Variants in HYPK observed in about 807,000 individuals in gnomAD.
HYPK encodes huntingtin interacting protein K.
A neutral mutation model predicts 13.9 loss-of-function variants in HYPK; 9 were observed. The ratio of observed to expected loss-of-function variants is 0.65; its 90% CI spans 0.39 to 1.13. HYPK has a LOEUF of 1.13. Among genes scored for constraint, HYPK ranks in the 50% most tolerant of loss-of-function variants. HYPK has a pLI of 0.01. For synonymous variants in HYPK, 76 were observed against 57.0 expected, an observed-to-expected ratio of 1.33 and a Z score of -1.50; for missense variants, 138 against 157.6, an observed-to-expected ratio of 0.88 and a Z score of 0.67.
In HYPK at chr15:43,803,232, T is replaced by TA. The variant is rs113386586; in HGVS notation, c.*1439dup. Among the ~76,000 whole-genome samples the TA allele has an allele frequency of 8.0e-3, 917 of 114,690 alleles. 22 individuals are homozygous for TA. The East Asian group carries it at 0.091, about 11-fold the overall frequency. 75.2% of individuals were successfully genotyped at this position (114,690 alleles called of 152,430 possible). A position where few individuals can be genotyped will look rare whatever the true frequency, so the allele number is the denominator to read the frequency against. ...AGCATGACCTTGTCTCTACTAAAAT[T>TA]AAAAAAAAAAAAAGCCAGGCATGGT... On this transcript the variant is annotated 3_prime_UTR_variant, in exon 4 of 4. Transcript: ENST00000442995.
At position 43,803,689 on chromosome 15, in the gene HYPK, G is replaced by A. The variant is rs188493684; in HGVS notation, c.*1883G>A. ...GACGCCTGTAATTCCAGCTACTAGG[G>A]AGGCTGAGGCAGGAGAATCTCTTGA... On this transcript the variant is annotated 3_prime_UTR_variant, in exon 4 of 4. Coordinates refer to ENST00000442995, the MANE Select transcript of HYPK (RefSeq NM_016400.4). Among the ~76,000 whole-genome samples the A allele has an allele frequency of 2.0e-3, 310 of 151,710 alleles. 2 individuals carry two copies. The highest frequency in any genetic ancestry group is 7.0e-3 in the African/African-American group (290 of 41,328).
At position 43,803,826 on chromosome 15, in the gene HYPK, A is replaced by G. The variant is rs2087343276; in HGVS notation, c.*2020A>G. On this transcript the variant is annotated 3_prime_UTR_variant, in exon 4 of 4. Coordinates refer to ENST00000442995, the MANE Select transcript of HYPK (RefSeq NM_016400.4). ...AAAAAAAATCAGCTTGGACCAACTC[A>G]CACATGTTGAACTAGTTTCCTCAAC... Among the ~76,000 whole-genome samples the G allele has an allele frequency of 6.6e-6, 1 of 150,400 alleles. No individual in the cohort carries two copies. The highest frequency in any genetic ancestry group is 2.4e-5 in the African/African-American group (1 of 40,916).
In HYPK at chr15:43,800,787, A is replaced by G. The variant is rs751554389; in HGVS notation, c.162+3A>G. On this transcript the variant is annotated splice_donor_region_variant and intron_variant, in intron 1 of 3. Coordinates refer to ENST00000442995, the MANE Select transcript of HYPK (RefSeq NM_016400.4). ...TCCAGAGTTCCAATCTGGAGACGGT[A>G]AGGTTGGCCAAGAGCATGTCGGGGC... is the stretch of plus-strand genomic sequence containing the variant. 6 of 1,604,534 alleles carry G rather than the reference A, an allele frequency of 3.7e-6. No homozygotes were observed. The highest frequency in any genetic ancestry group is 1.3e-5 in the African/African-American group (1 of 74,704).
At chr15:43,801,015 G>C (rs1194323886) in intron 1 of HYPK, 117 bp from the exon 2 acceptor site, 1 of 976,448 alleles carries the variant, frequency 1.0e-6, no homozygotes, top group Non-Finnish European at 1.6e-6. Flanking sequence ...CATAGTCCTT[G>C]CTACCTGGTA....
rs2087346202 is a variant in HYPK, at chr15:43,804,113, A to G, written c.*2307A>G. On this transcript the variant is annotated 3_prime_UTR_variant, in exon 4 of 4. Coordinates refer to ENST00000442995, the MANE Select transcript of HYPK (RefSeq NM_016400.4). ...AAAACAAACAAACAAACAAAAAAAA[A>G]ACCCTGCAACGGCCCCTGAGTCTGC... is the stretch of plus-strand genomic sequence containing the variant. 6.6e-6 allele frequency among the ~76,000 whole-genome samples: 1 copy of G among 152,008 alleles called. No homozygotes were observed. Among genetic ancestry groups the G allele is most frequent in the Non-Finnish European group, 1.5e-5 (1 of 68,014 alleles).
chr15:43,803,832 G>T lies in HYPK; in HGVS notation c.*2026G>T, dbSNP rs1196647850. On this transcript the variant is annotated 3_prime_UTR_variant, in exon 4 of 4. Transcript: ENST00000442995. Reference sequence around the variant, plus strand: ...AATCAGCTTGGACCAACTCACACATGTTGAACTAGTTTCCTCAACTATAAA... The same window carrying T: ...AATCAGCTTGGACCAACTCACACATTTTGAACTAGTTTCCTCAACTATAAA... Among the ~76,000 whole-genome samples the T allele has an allele frequency of 6.7e-6, 1 of 150,062 alleles. No homozygotes were observed. Among genetic ancestry groups the T allele is most frequent in the Non-Finnish European group, 1.5e-5 (1 of 67,730 alleles).
upstream of HYPK, chr15:43,800,552 G>A (rs1200543014): frequency 3.1e-6 from 5 of 1,600,952 alleles, no homozygotes; most frequent in Non-Finnish European, 3.4e-6. Flanking sequence ...CCTCCTCCCC[G>A]GGCGGAAGCT....
In HYPK at chr15:43,801,173, A is replaced by G. The variant is rs748691830; in HGVS notation, c.204A>G (p.Lys68=). 4 of 1,614,082 alleles carry G rather than the reference A, an allele frequency of 2.5e-6. No individual in the cohort carries two copies. Among genetic ancestry groups the G allele is most frequent in the Non-Finnish European group, 3.4e-6 (4 of 1,179,972 alleles). ...VIGDRRSREQ[K]AKQEREKELA... is the part of the protein sequence containing the mutation. Reference sequence around the variant, plus strand: ...GAGACAGAAGGTCCCGGGAGCAGAAAGCCAAACAGGAGCGGTAAGTCTTCA... The same window carrying G: ...GAGACAGAAGGTCCCGGGAGCAGAAGGCCAAACAGGAGCGGTAAGTCTTCA... The change falls in exon 2 of 4, where the codon AAA becomes AAG. Residue 68 remains lysine, a synonymous_variant. Coordinates refer to ENST00000442995, the MANE Select transcript of HYPK (RefSeq NM_016400.4).
Position 43,801,413 on chromosome 15 carries a change from G to A in HYPK, c.219-105G>A. 3 of 1,038,904 alleles carry A rather than the reference G, an allele frequency of 2.9e-6. No homozygotes were observed. In the Admixed American group the frequency reaches 6.3e-5, roughly 22 times the overall value. The allele number at this position is 1,038,904 out of a possible 1,614,324, so 64.4% of individuals were successfully genotyped here. ...AGTGGGAGTTTTTATTTTCAATCAA[G>A]GGTTTATCAAGATTTATTTACAGGG... On this transcript the variant is annotated intron_variant, in intron 2 of 3. Transcript: ENST00000442995.
rs199671159 is a variant in HYPK, at chr15:43,801,661, G to A, written c.271-50G>A. The A allele has an allele frequency of 1.8e-5, 29 of 1,608,476 alleles. No individual in the cohort carries two copies. In the African/African-American group the frequency reaches 3.9e-4, roughly 21 times the overall value. ...TGAAACAAGCGGAGTCAGTATATTT[G>A]GTGGCACATTAATGCCTGGGAACCT... On this transcript the variant is annotated intron_variant, in intron 3 of 3. Transcript: ENST00000442995.
upstream of HYPK, chr15:43,800,444 T>G: frequency 1.2e-6 from 1 of 840,776 alleles, no homozygotes; most frequent in Non-Finnish European, 2.0e-6. Flanking sequence ...CACAAAACAC[T>G]GTACAAACCC....
Position 43,801,789 on chromosome 15 carries a change from A to C in HYPK, c.349A>C (p.Ile117Leu), listed in dbSNP as rs1422949138. ...EHMGNVVEAL[I>L]ALTN ...CATGGGCAACGTGGTAGAGGCGCTT[A>C]TTGCCCTAACCAACTGATGCGTGCT... The change falls in exon 4 of 4, where the codon ATT becomes CTT. Residue 117 changes from isoleucine to leucine, a missense_variant. By Grantham distance (5) the Ile-to-Leu change is conservative. Transcript: ENST00000442995. The C allele has an allele frequency of 2.5e-6, 4 of 1,614,218 alleles. No individual in the cohort carries two copies. Among genetic ancestry groups the C allele is most frequent in the Non-Finnish European group, 3.4e-6 (4 of 1,180,012 alleles).
chr15:43,800,591 T>A, upstream of HYPK: 3 of 1,612,868 alleles, frequency 1.9e-6, no homozygotes, highest in Non-Finnish European at 1.7e-6. Context: ...CGGCGTGAGG[T>A]GGGGCTTATG....
chr15:43,800,841 C>T lies in HYPK; in HGVS notation c.162+57C>T, dbSNP rs539683152. 2.6e-5 allele frequency: 39 copies of T among 1,475,422 alleles called. No individual in the cohort carries two copies. The South Asian group carries it at 3.9e-4, about 15-fold the overall frequency. The allele number at this position is 1,475,422 out of a possible 1,614,324, so 91.4% of individuals were successfully genotyped here. On this transcript the variant is annotated intron_variant, in intron 1 of 3. Coordinates refer to ENST00000442995, the MANE Select transcript of HYPK (RefSeq NM_016400.4). ...CTGAGAGCAGAGGGGGGCTCTGAGGCTGTAGCTGGAAGCCAGCGCTCCAAG... is the reference window on the plus strand; with the variant it reads ...CTGAGAGCAGAGGGGGGCTCTGAGGTTGTAGCTGGAAGCCAGCGCTCCAAG...
rs1330562238 is a variant in HYPK at position 43,803,671 on chromosome 15, G to GT, written c.*1866dup. Reference sequence around the variant, plus strand: ...TAGCTGGGTGTGGTGGTGGACGCCTGTAATTCCAGCTACTAGGGAGGCTGA... The same window carrying GT: ...TAGCTGGGTGTGGTGGTGGACGCCTGTTAATTCCAGCTACTAGGGAGGCTGA... On this transcript the variant is annotated 3_prime_UTR_variant, in exon 4 of 4. Transcript: ENST00000442995. 6.6e-6 allele frequency among the ~76,000 whole-genome samples: 1 copy of GT among 151,488 alleles called. No individual in the cohort carries two copies. Among genetic ancestry groups the GT allele is most frequent in the Non-Finnish European group, 1.5e-5 (1 of 67,964 alleles).
At position 43,801,726 on chromosome 15, in the gene HYPK, A is replaced by T; in HGVS notation, c.286A>T (p.Ile96Leu). 6.2e-7 allele frequency: 1 copy of T among 1,614,204 alleles called. No individual in the cohort carries two copies. Among genetic ancestry groups the T allele is most frequent in the Non-Finnish European group, 8.5e-7 (1 of 1,180,036 alleles). ...DLELIMTEME[I>L]SRAAAERSLR... ...TTTTCTGCAGATGACTGAGATGGAG[A>T]TATCTCGAGCAGCAGCAGAACGCAG... Residue 96 changes from isoleucine (I) to leucine (L), a missense_variant, in exon 4 of 4, where the codon ATA becomes TTA. By Grantham distance (5) the Ile-to-Leu change is conservative. Coordinates refer to ENST00000442995, the MANE Select transcript of HYPK (RefSeq NM_016400.4).
intron 1 of HYPK, 61 bp from the exon 2 acceptor site, chr15:43,801,071 C>A: frequency 7.0e-7 from 1 of 1,430,930 alleles, no homozygotes; most frequent in Non-Finnish European, 9.9e-7. Context: ...GTTTTGTTGG[C>A]CTTTTAGATT....
rs1293044028 is a variant in HYPK, at chr15:43,804,020, AGG to A, written c.*2215_*2216del. Reference sequence around the variant, plus strand: ...ACAAAAATTAGCCAGGCATGGTGGCAGGCGCCTGTAGTCCCAGCTACTCGGGA... The same window carrying A: ...ACAAAAATTAGCCAGGCATGGTGGCACGCCTGTAGTCCCAGCTACTCGGGA... On this transcript the variant is annotated 3_prime_UTR_variant, in exon 4 of 4. Transcript: ENST00000442995. Among the ~76,000 whole-genome samples the A allele has an allele frequency of 2.0e-5, 3 of 150,574 alleles. No individual in the cohort carries two copies. The highest frequency in any genetic ancestry group is 3.0e-5 in the Non-Finnish European group (2 of 67,578).
chr15:43,801,274 C>G (rs1443556000), intron 2 of HYPK, 87 bp downstream of exon 2: 1 of 1,198,006 alleles, frequency 8.3e-7, no homozygotes, highest in Non-Finnish European at 1.2e-6. Flanking sequence ...GCCTTTATAC[C>G]GTTCTTCAAA....
Sources: allele counts gnomAD v4.1 joint callset (sites outside exome capture counted in the v4.1 genomes callset), GRCh38; gene constraint gnomAD v4.1.1; transcripts MANE v1.5; gene names NCBI Gene and HGNC (gene_info 2026-07-23, HGNC 2026-07-21).